PRELID2: variants seen among roughly 807,000 people sequenced by gnomAD.
The protein encoded by PRELID2 is PRELI domain containing 2.
PRELID2 carries 25 observed loss-of-function variants against 28.4 expected under a neutral mutation model. That is an observed-to-expected ratio of 0.88 (90% CI 0.64 to 1.23). The LOEUF (loss-of-function observed/expected upper bound fraction) is 1.23, where lower values mean the gene tolerates loss of function less well. PRELID2 is among the 50% of genes most tolerant of loss of function. The pLI is 0.00. For synonymous variants in PRELID2, 76 were observed against 71.6 expected (o/e 1.06, Z -0.31); for missense variants, 201 against 214.4 (o/e 0.94, Z 0.39).
At chr5:145,447,969 C>T in the PRELID2 span, among the ~76,000 whole-genome samples, 3 of 152,004 alleles carry the variant, frequency 2.0e-5, no homozygotes, top group Non-Finnish European at 4.4e-5. Flanking sequence ...AGATTTATAG[C>T]CCTTTGGGTA....
intron 1 of PRELID2, among the ~76,000 whole-genome samples, chr5:145,500,170 C>T (rs1005760006): frequency 2.0e-5 from 3 of 152,102 alleles, no homozygotes; most frequent in African/African-American, 7.2e-5. Context: ...TTATAATGCC[C>T]AGTGTTGGAG....
chr5:145,818,212 A>C (rs1397377766), intron 3 of PRELID2, among the ~76,000 whole-genome samples, 158 bp from the exon 4 acceptor site: 2 of 152,156 alleles, frequency 1.3e-5, no homozygotes, highest in East Asian at 3.9e-4. Flanking sequence ...TGATAATCAA[A>C]CATACTATGA....
the PRELID2 span, among the ~76,000 whole-genome samples, chr5:145,241,510 T>A: frequency 6.6e-6 from 1 of 152,208 alleles, no homozygotes; most frequent in African/African-American, 2.4e-5. Context: ...TCTTGACTAA[T>A]AGAATTGCCT....
the PRELID2 span, among the ~76,000 whole-genome samples, chr5:145,347,869 G>A: frequency 6.6e-6 from 1 of 152,034 alleles, no homozygotes; most frequent in East Asian, 1.9e-4. Context: ...TTCTAAAAAT[G>A]AAAGTCTATT....
At position 145,798,303 on chromosome 5, in the gene PRELID2, AGAGT is replaced by A. The variant is rs561412326; in HGVS notation, c.369-1760_369-1757del. Reference sequence around the variant, plus strand: ...AATGAGAAGAGAGTGAGAAAGAAGCAGAGTGAGTGCCTATTTGAAGAAATAATGG... The same window carrying A: ...AATGAGAAGAGAGTGAGAAAGAAGCAGAGTGCCTATTTGAAGAAATAATGG... On this transcript the variant is annotated intron_variant, in intron 4 of 6. Transcript: ENST00000683046. Among the ~76,000 whole-genome samples the A allele has an allele frequency of 1.6e-3, 244 of 152,314 alleles. 1 individual carries two copies. The highest frequency in any genetic ancestry group is 5.5e-3 in the African/African-American group (228 of 41,582).
At chr5:145,335,711 C>T in the PRELID2 span, among the ~76,000 whole-genome samples, 1 of 152,148 alleles carries the variant, frequency 6.6e-6, no homozygotes, top group Non-Finnish European at 1.5e-5. Context: ...TTCTAAGAGG[C>T]AAGTTTAAGC....
chr5:145,583,949 A>G (rs1162587650), intron 1 of PRELID2, among the ~76,000 whole-genome samples: 1 of 152,150 alleles, frequency 6.6e-6, no homozygotes, highest in Non-Finnish European at 1.5e-5. Context: ...TTTAAAATTC[A>G]TCTGGAACCA....
downstream of PRELID2, among the ~76,000 whole-genome samples, chr5:145,751,373 T>C (rs2400202): frequency 0.89 from 135,704 of 152,228 alleles, 60,544 homozygotes; most frequent in East Asian, 0.99. Context: ...TCTAACTTTT[T>C]CAAGAGACCC....
the PRELID2 span, among the ~76,000 whole-genome samples, chr5:145,413,979 A>G: frequency 6.6e-6 from 1 of 152,192 alleles, no homozygotes; most frequent in East Asian, 1.9e-4. Flanking sequence ...TGTGAATAAA[A>G]TTATGAATTT....
chr5:145,455,850 C>G, the PRELID2 span, among the ~76,000 whole-genome samples: 1 of 152,160 alleles, frequency 6.6e-6, no homozygotes, highest in Non-Finnish European at 1.5e-5. Context: ...TGTTTTGGCT[C>G]GCCCTCCATG....
At chr5:145,831,709 AGTCTCCAAATGTTT>A (rs1439287066) in intron 1 of PRELID2, among the ~76,000 whole-genome samples, 12 of 152,214 alleles carry the variant, frequency 7.9e-5, no homozygotes, top group Non-Finnish European at 1.6e-4. Flanking sequence ...CTAGACCTTT[AGTCTCCAAATGTTT>A]GTCTCTCATT....
At chr5:145,716,211 T>A (rs781201521) in intron 1 of PRELID2, among the ~76,000 whole-genome samples, 5 of 152,202 alleles carry the variant, frequency 3.3e-5, no homozygotes, top group Non-Finnish European at 7.3e-5. Context: ...AAACCTATCC[T>A]GTCTTGTTCG....
intron 1 of PRELID2, 39 bp downstream of exon 1, chr5:145,835,138 A>T: frequency 1.4e-6 from 2 of 1,430,004 alleles, no homozygotes; most frequent in Middle Eastern, 1.8e-4. Context: ...CAAGCAGCGG[A>T]GGCAGCGCGG....
At chr5:145,546,943 T>C (rs1752792909) in intron 1 of PRELID2, among the ~76,000 whole-genome samples, 1 of 152,202 alleles carries the variant, frequency 6.6e-6, no homozygotes, top group Non-Finnish European at 1.5e-5. Context: ...GGTAGTTAAA[T>C]TTCCCTTCTG....
intron 2 of PRELID2, among the ~76,000 whole-genome samples, chr5:145,822,044 T>C (rs1019609664): frequency 2.6e-5 from 4 of 152,144 alleles, no homozygotes; most frequent in Non-Finnish European, 4.4e-5. Flanking sequence ...AAAATGCATA[T>C]ACAAGCAAAA....
At chr5:145,558,844 A>T (rs1299693440) in intron 1 of PRELID2, among the ~76,000 whole-genome samples, 1 of 152,214 alleles carries the variant, frequency 6.6e-6, no homozygotes, top group Non-Finnish European at 1.5e-5. Flanking sequence ...TTGGAGGGCA[A>T]TTTGGCAAAA....
At chr5:145,621,447 CACT>C (rs1389207301) in intron 1 of PRELID2, among the ~76,000 whole-genome samples, 1 of 152,084 alleles carries the variant, frequency 6.6e-6, no homozygotes, top group Non-Finnish European at 1.5e-5. Context: ...TTGTACACAC[CACT>C]GTTTTTAGCA....
the PRELID2 span, among the ~76,000 whole-genome samples, chr5:145,288,890 T>C: frequency 1.6e-4 from 25 of 152,160 alleles, no homozygotes; most frequent in African/African-American, 6.0e-4. Flanking sequence ...ATTTAATTTT[T>C]CCATCAGGGT....
the PRELID2 span, among the ~76,000 whole-genome samples, chr5:145,407,275 C>G: frequency 2.0e-5 from 3 of 152,124 alleles, no homozygotes; most frequent in Non-Finnish European, 4.4e-5. Flanking sequence ...ATGTGTGGGG[C>G]ATGGTGGGAG....
Sources: allele counts gnomAD v4.1 joint callset (sites outside exome capture counted in the v4.1 genomes callset), GRCh38; gene constraint gnomAD v4.1.1; transcripts MANE v1.5; gene names NCBI Gene and HGNC (gene_info 2026-07-23, HGNC 2026-07-21).